The following XYLT1 variants were observed in gnomAD, a reference collection of about 807,000 sequenced individuals.
XYLT1 encodes the protein beta-D-xylosyltransferase 1.
In XYLT1, 36 loss-of-function variants were observed where a neutral mutation model predicts 91.3. The ratio of observed to expected loss-of-function variants is 0.39; its 90% CI spans 0.30 to 0.52. The LOEUF is 0.52. Ranked by LOEUF, XYLT1 falls within the 20% of genes least tolerant of loss-of-function variation. The probability of loss-of-function intolerance (pLI) is 0.68; values close to 1 mark genes in which losing one functional copy is unlikely to be tolerated. For synonymous variants in XYLT1, 588 were observed against 532.0 expected (o/e 1.11, Z -1.45); for missense variants, 1,242 against 1,284.5 (o/e 0.97, Z 0.51).
At position 17,108,979 on chromosome 16, in the gene XYLT1, C is replaced by A; in HGVS notation, c.2596G>T (p.Ala866Ser). 6.4e-7 allele frequency: 1 copy of A among 1,557,622 alleles called. No individual in the cohort carries two copies. The highest frequency in any genetic ancestry group is 8.7e-7 in the Non-Finnish European group (1 of 1,144,058). The change falls in exon 12 of 12, where the codon GCC becomes TCC. Residue 866 changes from alanine to serine, a missense_variant. Around this residue, in one of 3 missense-constraint regions of XYLT1, gnomAD observed 511 missense variants for 497.0 expected, o/e 1.03. Transcript: ENST00000261381. The stretch of plus-strand genomic sequence containing the variant: ...CTCTGGAAGCTCTGCTCCATGTAGG[C>A]ATTGCGGAGGGGCCCATTGTGCAGC... ...LKLHNGPLRN[A>S]YMEQSFQSLN...
intron 10 of XYLT1, among the ~76,000 whole-genome samples, chr16:17,127,136 TC>T: frequency 6.6e-6 from 1 of 152,190 alleles, no homozygotes; most frequent in South Asian, 2.1e-4. Flanking sequence ...CATCTGTCCA[TC>T]CATCCTTCCT....
chr16:17,337,969 G>A (rs1328174523), intron 2 of XYLT1, among the ~76,000 whole-genome samples: 7 of 151,854 alleles, frequency 4.6e-5, no homozygotes, highest in Non-Finnish European at 8.8e-5. Context: ...TAGAAACGGG[G>A]TTTCGCCATG....
At chr16:17,210,400 A>C (rs566995044) in intron 3 of XYLT1, among the ~76,000 whole-genome samples, 23 of 152,234 alleles carry the variant, frequency 1.5e-4, no homozygotes, top group African/African-American at 5.3e-4. Flanking sequence ...AATATGGTGA[A>C]ACCCTGTCTC....
In XYLT1 at chr16:17,190,758, T is replaced by C. The variant is rs373150163; in HGVS notation, c.1289+7454A>G. 4.1e-4 allele frequency among the ~76,000 whole-genome samples: 63 copies of C among 152,270 alleles called. No individual in the cohort carries two copies. The South Asian group carries it at 6.4e-3, about 16-fold the overall frequency. Reference sequence around the variant, plus strand: ...TGAACAGTGCCACAATAAATATACATGTGCATGTGTCTTTAAAGCAGCATG... The same window carrying C: ...TGAACAGTGCCACAATAAATATACACGTGCATGTGTCTTTAAAGCAGCATG... On this transcript the variant is annotated intron_variant, in intron 5 of 11. Coordinates refer to ENST00000261381, the MANE Select transcript of XYLT1 (RefSeq NM_022166.4).
chr16:17,402,735 T>C lies in XYLT1; in HGVS notation c.364-44685A>G, dbSNP rs929946221. Among the ~76,000 whole-genome samples the C allele has an allele frequency of 5.6e-5, 8 of 143,118 alleles. No homozygotes were observed. In the South Asian group the frequency reaches 1.1e-3, roughly 20 times the overall value. 93.9% of individuals were successfully genotyped at this position (143,118 alleles called of 152,430 possible). On this transcript the variant is annotated intron_variant, in intron 1 of 11. Transcript: ENST00000261381. The stretch of plus-strand genomic sequence containing the variant: ...GTGTTTGTTTTACTATATCCTTTTT[T>C]TTCTTTTCTTTTTTTTTTTTTTTAA...
intron 1 of XYLT1, among the ~76,000 whole-genome samples, chr16:17,411,319 C>T (rs1026641825): frequency 6.6e-6 from 1 of 152,120 alleles, no homozygotes; most frequent in Non-Finnish European, 1.5e-5. Context: ...GTGGTAGTTT[C>T]TTCATAAGCT....
chr16:17,158,974 G>C lies in XYLT1; in HGVS notation c.1290-65C>G, dbSNP rs1567301025. On this transcript the variant is annotated intron_variant, in intron 5 of 11. Coordinates refer to ENST00000261381, the MANE Select transcript of XYLT1 (RefSeq NM_022166.4). ...GTGGGTACTGTCTTTGTCACAGAAA[G>C]CAAGTTTCACCAATTATGTCAGTCT... 2.1e-6 allele frequency: 3 copies of C among 1,453,730 alleles called. No homozygotes were observed. The African/African-American group carries it at 4.2e-5, about 20-fold the overall frequency. The allele number at this position is 1,453,730 out of a possible 1,614,324, so 90.1% of individuals were successfully genotyped here.
intron 8 of XYLT1, 62 bp downstream of exon 8, chr16:17,138,293 T>C: frequency 1.3e-6 from 2 of 1,577,682 alleles, no homozygotes; most frequent in Non-Finnish European, 1.7e-6. Context: ...GCCTTGGATT[T>C]CTGCAGAGGT....
chr16:17,103,446 C>G lies in XYLT1; in HGVS notation c.*5249G>C, dbSNP rs1479614709. On this transcript the variant is annotated 3_prime_UTR_variant, in exon 12 of 12. Coordinates refer to ENST00000261381, the MANE Select transcript of XYLT1 (RefSeq NM_022166.4). ...AAGCAATTCCTATAGCATCTGCCAA[C>G]TACAGATTGGCAGCCCCTTCCTTAG... The G allele has an allele frequency of 6.6e-6, 1 of 152,212 alleles. No homozygotes were observed. The highest frequency in any genetic ancestry group is 1.5e-5 in the Non-Finnish European group (1 of 68,036). 9.4% of individuals were successfully genotyped at this position (152,212 alleles called of 1,614,324 possible). A position where few individuals can be genotyped will look rare whatever the true frequency, so the allele number is the denominator to read the frequency against.
At chr16:17,427,927 T>C (rs937669453) in intron 1 of XYLT1, among the ~76,000 whole-genome samples, 1 of 152,132 alleles carries the variant, frequency 6.6e-6, no homozygotes, top group Non-Finnish European at 1.5e-5. Context: ...AGGAACCTCA[T>C]TAATTTCAAT....
intron 6 of XYLT1, among the ~76,000 whole-genome samples, chr16:17,143,388 T>C (rs1363799132): frequency 1.3e-5 from 2 of 152,138 alleles, no homozygotes; most frequent in African/African-American, 4.8e-5. Context: ...CGAGCTCTGC[T>C]CCTAAGGAGC....
chr16:17,147,602 A>C (rs1160463250), intron 6 of XYLT1, among the ~76,000 whole-genome samples: 1 of 152,222 alleles, frequency 6.6e-6, no homozygotes, highest in Non-Finnish European at 1.5e-5. Context: ...TTGGTTAACT[A>C]AGAGTAAATG....
At chr16:17,155,031 A>C (rs2031371700) in intron 6 of XYLT1, among the ~76,000 whole-genome samples, 1 of 152,038 alleles carries the variant, frequency 6.6e-6, no homozygotes, top group African/African-American at 2.4e-5. Flanking sequence ...TTCTCATGCA[A>C]CCCCCTTGTT....
At chr16:17,449,030 C>G (rs931193688) in intron 1 of XYLT1, among the ~76,000 whole-genome samples, 5 of 152,176 alleles carry the variant, frequency 3.3e-5, no homozygotes, top group African/African-American at 1.2e-4. Context: ...GCACTTCATT[C>G]CACCAACTGA....
rs1445700629 is a variant in XYLT1, at chr16:17,152,372, C to T, written c.1370+6457G>A. Among the ~76,000 whole-genome samples the T allele has an allele frequency of 2.0e-5, 3 of 152,208 alleles. No homozygotes were observed. In the East Asian group the frequency reaches 5.8e-4, roughly 29 times the overall value. On this transcript the variant is annotated intron_variant, in intron 6 of 11. Coordinates refer to ENST00000261381, the MANE Select transcript of XYLT1 (RefSeq NM_022166.4). ...CTATAATTGGATTAAATAAAGTGAA[C>T]ATGCAAACAGTCATGAACGCATCGG...
intron 3 of XYLT1, among the ~76,000 whole-genome samples, chr16:17,237,022 A>G (rs1463460): frequency 0.72 from 108,983 of 152,074 alleles, 40,224 homozygotes; most frequent in Admixed American, 0.8. Flanking sequence ...TTCTGAAGAG[A>G]GGCTTGATTT....
intron 3 of XYLT1, among the ~76,000 whole-genome samples, chr16:17,240,514 A>G (rs722074): frequency 0.43 from 65,492 of 152,016 alleles, 14,299 homozygotes; most frequent in South Asian, 0.49. Context: ...CACAATCTAC[A>G]TGACAGGGAT....
At chr16:17,446,902 C>A (rs1381820956) in intron 1 of XYLT1, among the ~76,000 whole-genome samples, 1 of 149,130 alleles carries the variant, frequency 6.7e-6, no homozygotes, top group Admixed American at 6.6e-5. Flanking sequence ...TGCAGCCAAA[C>A]TCGCTGAACC....
intron 6 of XYLT1, among the ~76,000 whole-genome samples, chr16:17,156,293 T>C (rs1368457692): frequency 1.3e-5 from 2 of 152,248 alleles, no homozygotes; most frequent in Non-Finnish European, 2.9e-5. Flanking sequence ...TAGGCTGAAA[T>C]AGTTAATACT....
Sources: gnomAD v4.1 joint callset for allele counts (sites outside exome capture counted in the v4.1 genomes callset) on GRCh38, gnomAD v4.1.1 for gene constraint, gnomAD v4.1.1 regional missense constraint, MANE v1.5 for transcripts, NCBI Gene and HGNC (gene_info 2026-07-23, HGNC 2026-07-21) for gene names.